LRP1B: variants seen among roughly 807,000 people sequenced by gnomAD.
LRP1B encodes LDL receptor related protein 1B, also known as low-density lipoprotein receptor-related protein 1B.
LRP1B carries 217 observed loss-of-function variants against 556.6 expected under a neutral mutation model. The observed-to-expected ratio is 0.39, with a 90% CI of 0.35 to 0.44. The LOEUF (loss-of-function observed/expected upper bound fraction) is 0.44, where lower values mean the gene tolerates loss of function less well. LRP1B is among the 20% of genes least tolerant of loss of function. LRP1B has a pLI of 1.00. For missense variants in LRP1B, 5,053 were observed against 5,620.8 expected, an observed-to-expected ratio of 0.90 and a Z score of 3.23; for synonymous variants, 2,047 against 1,865.8, an observed-to-expected ratio of 1.10 and a Z score of -2.50.
rs754435630 is a variant in LRP1B, at chr2:142,118,240, G to T, written c.82+12408C>A. On this transcript the variant is annotated intron_variant, in intron 1 of 90. Coordinates refer to ENST00000389484, the MANE Select transcript of LRP1B (RefSeq NM_018557.3). ...CTCTCGGGCTTGGGTTTACAATGTCGTGATGGAGCCATTACTGTTGTATTT... is the reference window on the plus strand; with the variant it reads ...CTCTCGGGCTTGGGTTTACAATGTCTTGATGGAGCCATTACTGTTGTATTT... Among the ~76,000 whole-genome samples, 4 of 152,104 alleles carry T rather than the reference G, an allele frequency of 2.6e-5. No individual in the cohort carries two copies. In the East Asian group the frequency reaches 7.7e-4, roughly 29 times the overall value.
At chr2:142,120,827 G>T (rs529062133) in intron 1 of LRP1B, among the ~76,000 whole-genome samples, 2 of 152,146 alleles carry the variant, frequency 1.3e-5, no homozygotes, top group Admixed American at 6.6e-5. Context: ...CAAACACAGG[G>T]TGTTAGGAAA....
intron 3 of LRP1B, among the ~76,000 whole-genome samples, chr2:141,465,128 AC>A (rs1322724411): frequency 1.3e-5 from 2 of 152,204 alleles, no homozygotes; most frequent in African/African-American, 4.8e-5. Flanking sequence ...ATACACATTG[AC>A]AAAACACAGT....
intron 67 of LRP1B, among the ~76,000 whole-genome samples, chr2:140,385,213 C>A (rs1443673423): frequency 6.6e-6 from 1 of 152,054 alleles, no homozygotes; most frequent in Non-Finnish European, 1.5e-5. Context: ...CCACTGCTCT[C>A]CAGCCTGAGC....
chr2:140,450,915 G>A (rs528297795), intron 62 of LRP1B, among the ~76,000 whole-genome samples: 5 of 152,236 alleles, frequency 3.3e-5, no homozygotes, highest in Non-Finnish European at 7.4e-5. Context: ...CATGTTTTCT[G>A]CAGAGCTACT....
chr2:140,578,184 T>C (rs749725319), intron 43 of LRP1B, among the ~76,000 whole-genome samples: 2 of 152,136 alleles, frequency 1.3e-5, no homozygotes, highest in Admixed American at 6.5e-5. Flanking sequence ...AAAGCACCAT[T>C]TGACAAATCC....
intron 35 of LRP1B, among the ~76,000 whole-genome samples, chr2:140,724,573 T>C (rs1197926415): frequency 6.6e-6 from 1 of 152,198 alleles, no homozygotes; most frequent in Admixed American, 6.5e-5. Context: ...TTCAATTTCT[T>C]CATAAACTTC....
intron 41 of LRP1B, among the ~76,000 whole-genome samples, chr2:140,677,335 T>C (rs1685705916): frequency 6.6e-6 from 1 of 152,148 alleles, no homozygotes; most frequent in South Asian, 2.1e-4. Context: ...TTGGTGGCAA[T>C]AGGAAAGGTG....
chr2:141,093,148 T>C (rs1700214544), intron 7 of LRP1B, among the ~76,000 whole-genome samples: 1 of 151,902 alleles, frequency 6.6e-6, no homozygotes, highest in African/African-American at 2.4e-5. Flanking sequence ...TAAAAAAAGA[T>C]AATTATATTT....
chr2:141,344,526 C>A (rs954001980), intron 3 of LRP1B, among the ~76,000 whole-genome samples: 1 of 152,076 alleles, frequency 6.6e-6, no homozygotes, highest in African/African-American at 2.4e-5. Context: ...ATTGAGGAAC[C>A]CTGTGGTCAC....
At chr2:141,544,376 C>CTT (rs1363154965) in intron 2 of LRP1B, among the ~76,000 whole-genome samples, 11 of 113,638 alleles carry the variant, frequency 9.7e-5, no homozygotes, top group East Asian at 3.2e-4. Flanking sequence ...TCTTCTTCTT[C>CTT]TTCTTCTCCT....
At chr2:141,196,388 A>T (rs755042421) in intron 6 of LRP1B, among the ~76,000 whole-genome samples, 1 of 152,104 alleles carries the variant, frequency 6.6e-6, no homozygotes, top group Non-Finnish European at 1.5e-5. Flanking sequence ...CTAGAAATTC[A>T]TTCTTTACAC....
At chr2:141,113,554 G>A (rs988836149) in intron 7 of LRP1B, among the ~76,000 whole-genome samples, 1 of 152,026 alleles carries the variant, frequency 6.6e-6, no homozygotes, top group Admixed American at 6.6e-5. Flanking sequence ...TATACTGTAT[G>A]AGGTTTGCAA....
At chr2:142,109,613 A>C (rs1706886609) in intron 1 of LRP1B, among the ~76,000 whole-genome samples, 1 of 152,166 alleles carries the variant, frequency 6.6e-6, no homozygotes, top group Admixed American at 6.6e-5. Context: ...TTTTGAGAAT[A>C]CCTATGAATT....
At chr2:140,610,180 T>A (rs965096710) in intron 41 of LRP1B, among the ~76,000 whole-genome samples, 2 of 152,118 alleles carry the variant, frequency 1.3e-5, no homozygotes, top group Non-Finnish European at 2.9e-5. Context: ...TGTACTAAAA[T>A]TTTATGTGTT....
At chr2:141,340,314 T>C (rs1688010793) in intron 3 of LRP1B, among the ~76,000 whole-genome samples, 1 of 152,242 alleles carries the variant, frequency 6.6e-6, no homozygotes, top group South Asian at 2.1e-4. Context: ...TTGCTGACTA[T>C]ATCAATTCTT....
chr2:141,861,999 T>C (rs1241265309), intron 1 of LRP1B, among the ~76,000 whole-genome samples: 7 of 152,178 alleles, frequency 4.6e-5, no homozygotes, highest in African/African-American at 1.4e-4. Flanking sequence ...GCTTTCATAT[T>C]GTTACTTAGT....
intron 14 of LRP1B, among the ~76,000 whole-genome samples, chr2:141,013,260 T>A (rs1175705657): frequency 1.3e-5 from 2 of 152,034 alleles, no homozygotes; most frequent in South Asian, 2.1e-4. Context: ...AGAGAATTGT[T>A]TTTCTTTAAA....
intron 2 of LRP1B, among the ~76,000 whole-genome samples, chr2:141,641,624 C>T (rs1364069935): frequency 6.6e-6 from 1 of 152,114 alleles, no homozygotes; most frequent in African/African-American, 2.4e-5. Flanking sequence ...TCCAGTGAAG[C>T]TGCCCCATAA....
At chr2:142,013,626 A>T (rs566832937) in intron 1 of LRP1B, among the ~76,000 whole-genome samples, 16 of 152,286 alleles carry the variant, frequency 1.1e-4, no homozygotes, top group African/African-American at 3.6e-4. Flanking sequence ...AAGAAGATTA[A>T]AGAGTTATGA....
Sources: allele counts gnomAD v4.1 joint callset (sites outside exome capture counted in the v4.1 genomes callset), GRCh38; gene constraint gnomAD v4.1.1; transcripts MANE v1.5; gene names NCBI Gene and HGNC (gene_info 2026-07-23, HGNC 2026-07-21).